Variants in PCDH11X observed in about 807,000 individuals in gnomAD.
PCDH11X encodes protocadherin 11 X-linked, also known as protocadherin-11 X-linked.
PCDH11X carries 18 observed loss-of-function variants against 53.3 expected under a neutral mutation model. The ratio of observed to expected loss-of-function variants is 0.34; its 90% confidence interval spans 0.23 to 0.50. The LOEUF (loss-of-function observed/expected upper bound fraction) is 0.50. Among genes scored for constraint, PCDH11X ranks in the 20% least tolerant of loss-of-function variants. The pLI is 0.98. For synonymous variants in PCDH11X, 279 were observed against 393.3 expected, an observed-to-expected ratio of 0.71 and a Z score of 3.44; for missense variants, 570 against 1,032.4, an observed-to-expected ratio of 0.55 and a Z score of 6.14.
At chrX:92,449,638 G>A (rs966905720) in intron 9 of PCDH11X, among the ~76,000 whole-genome samples, 12 of 111,413 alleles carry the variant, frequency 1.1e-4, no homozygotes, top group Non-Finnish European at 2.3e-4. Flanking sequence ...ACACAGTATC[G>A]TGATTATATT....
chrX:92,273,591 G>A (rs1289424235), intron 8 of PCDH11X, among the ~76,000 whole-genome samples: 1 of 110,262 alleles, frequency 9.1e-6, no homozygotes, highest in African/African-American at 3.3e-5. Context: ...GGGTGGTATG[G>A]AGAGAGAGTG....
intron 10 of PCDH11X, among the ~76,000 whole-genome samples, chrX:92,542,493 A>C (rs1486805601): frequency 5.4e-5 from 6 of 110,928 alleles, no homozygotes; most frequent in African/African-American, 2.0e-4. Flanking sequence ...TTAGAATAAA[A>C]TTATAATAAA....
intron 6 of PCDH11X, among the ~76,000 whole-genome samples, chrX:92,124,853 A>ATTTG (rs1358983529): frequency 9.1e-6 from 1 of 110,476 alleles, no homozygotes; most frequent in South Asian, 3.8e-4. Flanking sequence ...TTATTTATGC[A>ATTTG]TTTGTTTGTT....
chrX:92,100,318 C>T (rs183639235), intron 6 of PCDH11X, among the ~76,000 whole-genome samples: 123 of 110,967 alleles, frequency 1.1e-3, no homozygotes, highest in African/African-American at 3.9e-3. Context: ...TGGGTGCAGG[C>T]GGGCTCAGTC....
intron 6 of PCDH11X, among the ~76,000 whole-genome samples, chrX:92,118,098 T>C (rs1425101078): frequency 9.0e-6 from 1 of 111,374 alleles, no homozygotes; most frequent in Admixed American, 9.7e-5. Flanking sequence ...AAATGTTTCA[T>C]TCATATGCAG....
intron 6 of PCDH11X, among the ~76,000 whole-genome samples, chrX:92,078,421 C>T (rs1052168456): frequency 9.0e-6 from 1 of 110,853 alleles, no homozygotes; most frequent in African/African-American, 3.3e-5. Flanking sequence ...TGTGTGTATA[C>T]AAGTTTTGTT....
At chrX:91,886,860 A>G in intron 6 of PCDH11X, among the ~76,000 whole-genome samples, 1 of 106,107 alleles carries the variant, frequency 9.4e-6, no homozygotes, top group Non-Finnish European at 1.9e-5. Flanking sequence ...AGTCCCAGCT[A>G]CTCGGGAGGC....
intron 6 of PCDH11X, among the ~76,000 whole-genome samples, chrX:91,933,525 A>G (rs960405376): frequency 1.1e-3 from 128 of 111,733 alleles, no homozygotes; most frequent in Middle Eastern, 9.2e-3. Context: ...ATATTTGAAG[A>G]TATTTCCACC....
intron 6 of PCDH11X, among the ~76,000 whole-genome samples, chrX:91,931,544 C>T (rs1209622792): frequency 9.0e-6 from 1 of 110,978 alleles, no homozygotes; most frequent in Non-Finnish European, 1.9e-5. Flanking sequence ...TATTGAAGGG[C>T]TTCAGGTGAA....
chrX:92,202,459 T>G (rs2066406301), intron 7 of PCDH11X, among the ~76,000 whole-genome samples: 2 of 110,780 alleles, frequency 1.8e-5, no homozygotes, highest in African/African-American at 6.6e-5. Flanking sequence ...CTGCAACTGA[T>G]TATTATTTTA....
intron 6 of PCDH11X, among the ~76,000 whole-genome samples, chrX:92,078,295 C>T (rs948194024): frequency 2.7e-5 from 3 of 110,380 alleles, no homozygotes; most frequent in Non-Finnish European, 5.7e-5. Context: ...TAATTAAATC[C>T]CAATAGTACA....
At chrX:92,405,679 A>G (rs1250743655) in intron 9 of PCDH11X, among the ~76,000 whole-genome samples, 2 of 104,301 alleles carry the variant, frequency 1.9e-5, no homozygotes, top group Non-Finnish European at 3.9e-5. Flanking sequence ...AAGTATTAAC[A>G]TGTGTATACA....
Position 92,113,557 on chromosome X carries a change from A to G in PCDH11X, c.3034-87818A>G, listed in dbSNP as rs749124093. On this transcript the variant is annotated intron_variant, in intron 6 of 10. Coordinates refer to ENST00000682573, the MANE Select transcript of PCDH11X (RefSeq NM_032968.5). ...CTCCTTTTGGTCCATATCTCCATGCATGGCGGAGACAGTGAAATCTCGAGC... is the reference window on the plus strand; with the variant it reads ...CTCCTTTTGGTCCATATCTCCATGCGTGGCGGAGACAGTGAAATCTCGAGC... 6 of 1,196,066 alleles carry G rather than the reference A, an allele frequency of 5.0e-6. No individual in the cohort carries two copies. The Admixed American group carries it at 6.7e-5, about 13-fold the overall frequency.
intron 6 of PCDH11X, among the ~76,000 whole-genome samples, chrX:92,109,341 T>A (rs1299196444): frequency 1.8e-5 from 2 of 109,970 alleles, no homozygotes; most frequent in East Asian, 5.7e-4. Context: ...GCCACTGCAC[T>A]CCAGCCTGGG....
chrX:91,984,734 C>T (rs995308310), intron 6 of PCDH11X, among the ~76,000 whole-genome samples: 1 of 110,816 alleles, frequency 9.0e-6, no homozygotes, highest in African/African-American at 3.3e-5. Flanking sequence ...TCAGGAGAGC[C>T]TTTCTCCCGC....
At chrX:92,147,859 T>TC (rs1569388412) in intron 6 of PCDH11X, among the ~76,000 whole-genome samples, 12 of 45,062 alleles carry the variant, frequency 2.7e-4, no homozygotes, top group African/African-American at 9.0e-4. Flanking sequence ...TTCTTTTTTC[T>TC]TTTCTCTCTT....
At chrX:92,422,776 C>CA (rs1273318021) in intron 9 of PCDH11X, among the ~76,000 whole-genome samples, 1 of 111,391 alleles carries the variant, frequency 9.0e-6, no homozygotes, top group Non-Finnish European at 1.9e-5. Context: ...TCCCACCAAC[C>CA]ATGTAAAAGT....
intron 4 of PCDH11X, among the ~76,000 whole-genome samples, chrX:91,829,712 C>T (rs1053699685): frequency 9.9e-5 from 11 of 111,275 alleles, no homozygotes; most frequent in African/African-American, 2.9e-4. Context: ...AGAGAATTTA[C>T]AGAATGTGAA....
chrX:92,460,411 G>A lies in PCDH11X; in HGVS notation c.3344-7888G>A, dbSNP rs1319093151. ...TCAGGACCTCGCCAAGATCATGGCAGACATCCGGGCCCAATATGACGACCT... is the reference window on the plus strand; with the variant it reads ...TCAGGACCTCGCCAAGATCATGGCAAACATCCGGGCCCAATATGACGACCT... On this transcript the variant is annotated intron_variant, in intron 9 of 10. Coordinates refer to ENST00000682573, the MANE Select transcript of PCDH11X (RefSeq NM_032968.5). The A allele has an allele frequency of 4.6e-6, 4 of 863,062 alleles. No individual in the cohort carries two copies. In the East Asian group the frequency reaches 1.2e-4, roughly 27 times the overall value. 71.1% of individuals were successfully genotyped at this position (863,062 alleles called of 1,213,427 possible).
Sources: gnomAD v4.1 joint callset for allele counts (sites outside exome capture counted in the v4.1 genomes callset) on GRCh38, gnomAD v4.1.1 for gene constraint, MANE v1.5 for transcripts, NCBI Gene and HGNC (gene_info 2026-07-23, HGNC 2026-07-21) for gene names.